Variants in ARPC1A observed in about 807,000 individuals in gnomAD.
ARPC1A encodes actin-related protein 2/3 complex subunit 1A.
A neutral mutation model predicts 46.9 loss-of-function variants in ARPC1A; 8 were observed. The observed-to-expected ratio is 0.17, with a 90% CI of 0.10 to 0.31. The LOEUF is 0.31. Among genes scored for constraint, ARPC1A ranks in the 10% least tolerant of loss-of-function variants. The pLI is 1.00. For synonymous variants in ARPC1A, 152 were observed against 169.0 expected, an observed-to-expected ratio of 0.90 and a Z score of 0.78; for missense variants, 286 against 483.6, an observed-to-expected ratio of 0.59 and a Z score of 3.83.
intron 5 of ARPC1A, among the ~76,000 whole-genome samples, chr7:99,351,619 A>G (rs1420906012): frequency 6.6e-6 from 1 of 152,202 alleles, no homozygotes; most frequent in African/African-American, 2.4e-5. Flanking sequence ...AGCCGCTGTC[A>G]TGATGCAGAT....
At chr7:99,363,495 C>A in intron 8 of ARPC1A, 48 bp from the exon 9 acceptor site, 1 of 1,350,368 alleles carries the variant, frequency 7.4e-7, no homozygotes, top group Non-Finnish European at 1.1e-6. Context: ...TGTTTGTGTT[C>A]ACTTCCACTA....
At position 99,333,338 on chromosome 7, in the gene ARPC1A, G is replaced by C; in HGVS notation, c.-16G>C. ...TGTTCATTGCAGCTTTCTCTCCTTT[G>C]AAAACACTAAGAATAATGTCACTGC... On this transcript the variant is annotated 5_prime_UTR_variant, in exon 2 of 10. Transcript: ENST00000262942. The C allele has an allele frequency of 1.2e-6, 2 of 1,609,722 alleles. No individual in the cohort carries two copies. Among genetic ancestry groups the C allele is most frequent in the African/African-American group, 1.3e-5 (1 of 74,868 alleles).
intron 9 of ARPC1A, among the ~76,000 whole-genome samples, chr7:99,364,115 C>T (rs10263954): frequency 0.099 from 15,031 of 151,578 alleles, 1,942 homozygotes; most frequent in African/African-American, 0.3. Context: ...CTACAACACC[C>T]GGCTATGTTT....
intron 2 of ARPC1A, among the ~76,000 whole-genome samples, chr7:99,336,336 CCT>C (rs1212787062): frequency 4.0e-5 from 6 of 151,876 alleles, no homozygotes; most frequent in African/African-American, 1.5e-4. Context: ...ACTCTTAAGT[CCT>C]TAGGATTTTA....
At chr7:99,351,479 A>G (rs940279691) in intron 5 of ARPC1A, among the ~76,000 whole-genome samples, 4 of 151,952 alleles carry the variant, frequency 2.6e-5, no homozygotes, top group Admixed American at 6.6e-5. Flanking sequence ...TCGGCCTCCC[A>G]AAGTGCTGGG....
At chr7:99,363,785 C>T (rs892579554) in intron 9 of ARPC1A, 152 bp downstream of exon 9, 19 of 605,294 alleles carry the variant, frequency 3.1e-5, no homozygotes, top group Non-Finnish European at 5.4e-5. Flanking sequence ...AGCAGCCCTC[C>T]CACCTCAGCC....
intron 3 of ARPC1A, among the ~76,000 whole-genome samples, chr7:99,343,322 C>T (rs1793386420): frequency 6.6e-6 from 1 of 151,678 alleles, no homozygotes. Flanking sequence ...AAAAATTAGC[C>T]GGGCATGGTG....
intron 9 of ARPC1A, among the ~76,000 whole-genome samples, chr7:99,364,869 G>A (rs2150877157): frequency 6.6e-6 from 1 of 152,292 alleles, no homozygotes; most frequent in African/African-American, 2.4e-5. Flanking sequence ...GGATACGGGG[G>A]CTGGGTAGGG....
chr7:99,336,250 A>G (rs1282897679), intron 2 of ARPC1A, among the ~76,000 whole-genome samples: 1 of 152,138 alleles, frequency 6.6e-6, no homozygotes, highest in Non-Finnish European at 1.5e-5. Flanking sequence ...TCCAGGTTTA[A>G]ATTTGGACTT....
At chr7:99,326,738 G>C (rs1793054299) in intron 1 of ARPC1A, among the ~76,000 whole-genome samples, 1 of 152,220 alleles carries the variant, frequency 6.6e-6, no homozygotes, top group African/African-American at 2.4e-5. Flanking sequence ...TCCTGGCCGA[G>C]AGTAGGTGAT....
intron 9 of ARPC1A, among the ~76,000 whole-genome samples, chr7:99,364,492 G>A (rs10264582): frequency 2.0e-5 from 3 of 151,438 alleles, no homozygotes; most frequent in South Asian, 2.1e-4. Flanking sequence ...TGCTGGTCTC[G>A]AACTCCCAAC....
chr7:99,363,140 G>A (rs144203721), intron 8 of ARPC1A, among the ~76,000 whole-genome samples: 1 of 152,278 alleles, frequency 6.6e-6, no homozygotes, highest in African/African-American at 2.4e-5. Flanking sequence ...CCCAGGTCAC[G>A]CTAACCAAGG....
chr7:99,341,400 G>C (rs1160577030), intron 3 of ARPC1A, among the ~76,000 whole-genome samples: 1 of 152,094 alleles, frequency 6.6e-6, no homozygotes, highest in East Asian at 1.9e-4. Context: ...CTGAGGTCGG[G>C]AGTTCGAGAC....
chr7:99,358,715 T>C (rs952507722), intron 7 of ARPC1A: 3 of 286,612 alleles, frequency 1.0e-5, no homozygotes, highest in African/African-American at 6.8e-5. Context: ...TAATTTTGTA[T>C]TTTTAGAAGA....
intron 4 of ARPC1A, among the ~76,000 whole-genome samples, chr7:99,347,781 A>G (rs983152117): frequency 6.6e-6 from 1 of 151,626 alleles, no homozygotes; most frequent in African/African-American, 2.4e-5. Context: ...GTGAGCTGAG[A>G]TCACGCCATT....
At chr7:99,328,687 T>C (rs1382198312) in intron 1 of ARPC1A, among the ~76,000 whole-genome samples, 2 of 152,086 alleles carry the variant, frequency 1.3e-5, no homozygotes, top group African/African-American at 4.8e-5. Context: ...TGGTGGCTCA[T>C]GCTTGCAATC....
chr7:99,341,328 C>G (rs1032443397), intron 3 of ARPC1A, among the ~76,000 whole-genome samples: 16 of 151,590 alleles, frequency 1.1e-4, no homozygotes, highest in African/African-American at 3.9e-4. Flanking sequence ...AAAAATTAGG[C>G]TGGGTGCAGT....
chr7:99,326,663 A>T (rs1039996184), intron 1 of ARPC1A, among the ~76,000 whole-genome samples: 14 of 152,254 alleles, frequency 9.2e-5, no homozygotes, highest in African/African-American at 3.4e-4. Flanking sequence ...CATCTGCAAT[A>T]AAAAGATTCT....
At position 99,332,298 on chromosome 7, in the gene ARPC1A, C is replaced by T. The variant is rs182252182; in HGVS notation, c.-29-1027C>T. Among the ~76,000 whole-genome samples the T allele has an allele frequency of 3.4e-4, 52 of 152,226 alleles. No individual in the cohort carries two copies. The South Asian group carries it at 6.4e-3, about 19-fold the overall frequency. On this transcript the variant is annotated intron_variant, in intron 1 of 9. Coordinates refer to ENST00000262942, the MANE Select transcript of ARPC1A (RefSeq NM_006409.4). ...CAGAAGTGTTCTGGTTTGGATGGTA[C>T]GTTAAGTCACTATTTATAAGTGACG...
Sources: gnomAD v4.1 joint callset for allele counts (sites outside exome capture counted in the v4.1 genomes callset) on GRCh38, gnomAD v4.1.1 for gene constraint, MANE v1.5 for transcripts, NCBI Gene and HGNC (gene_info 2026-07-23, HGNC 2026-07-21) for gene names.